Variants in IGSF21 observed in about 807,000 individuals in gnomAD.
IGSF21 encodes immunoglobulin superfamily member 21.
A neutral mutation model predicts 46.8 loss-of-function variants in IGSF21; 28 were observed. The observed-to-expected ratio is 0.60, with a 90% CI of 0.44 to 0.82. The LOEUF (loss-of-function observed/expected upper bound fraction) is 0.82. Among genes scored for constraint, IGSF21 ranks in the 40% least tolerant of loss-of-function variants. IGSF21 has a pLI of 0.00. For missense variants in IGSF21, 624 were observed against 665.5 expected (o/e 0.94, Z 0.69); for synonymous variants, 284 against 273.6 (o/e 1.04, Z -0.38).
intron 1 of IGSF21, among the ~76,000 whole-genome samples, chr1:18,178,467 G>C (rs1557574056): frequency 6.6e-6 from 1 of 152,168 alleles, no homozygotes; most frequent in Non-Finnish European, 1.5e-5. Flanking sequence ...CTCAGTTTCT[G>C]CATCTGTGAA....
At chr1:18,260,785 A>AG (rs897353549) in intron 2 of IGSF21, among the ~76,000 whole-genome samples, 2 of 152,134 alleles carry the variant, frequency 1.3e-5, no homozygotes, top group Non-Finnish European at 2.9e-5. Context: ...GCTATTCCTC[A>AG]GTTTGGTCCA....
intron 2 of IGSF21, among the ~76,000 whole-genome samples, chr1:18,254,711 C>G (rs1239968595): frequency 1.3e-5 from 2 of 152,212 alleles, no homozygotes; most frequent in African/African-American, 4.8e-5. Context: ...GTTGCCTGTG[C>G]CACTCCTGGA....
intron 1 of IGSF21, among the ~76,000 whole-genome samples, chr1:18,157,142 A>G (rs976851506): frequency 3.9e-5 from 6 of 152,164 alleles, no homozygotes; most frequent in African/African-American, 1.2e-4. Flanking sequence ...AAGAAAGAAA[A>G]AAAAAAGAGA....
intron 2 of IGSF21, among the ~76,000 whole-genome samples, chr1:18,230,277 T>C (rs2084611255): frequency 6.6e-6 from 1 of 152,124 alleles, no homozygotes; most frequent in African/African-American, 2.4e-5. Flanking sequence ...TTCTTCGCCA[T>C]CCTCCGGTAG....
Position 18,304,894 on chromosome 1 carries a change from T to C in IGSF21, c.305+12907T>C, listed in dbSNP as rs150998127. On this transcript the variant is annotated intron_variant, in intron 3 of 9. Coordinates refer to ENST00000251296, the MANE Select transcript of IGSF21 (RefSeq NM_032880.5). The stretch of plus-strand genomic sequence containing the variant: ...ACCCAATTTAGTAAACAGTTCAGAA[T>C]AAAGTATTTGTTGCCGTGGTATTTC... 8.6e-3 allele frequency among the ~76,000 whole-genome samples: 1,308 copies of C among 152,372 alleles called. 11 individuals carry two copies. The highest frequency in any genetic ancestry group is 0.014 in the Non-Finnish European group (961 of 68,028).
At chr1:18,138,763 G>A (rs1326803195) in intron 1 of IGSF21, among the ~76,000 whole-genome samples, 3 of 152,172 alleles carry the variant, frequency 2.0e-5, no homozygotes, top group Non-Finnish European at 4.4e-5. Flanking sequence ...CTTGGCATCT[G>A]CTCCCTCGCC....
intron 3 of IGSF21, among the ~76,000 whole-genome samples, chr1:18,328,095 T>C (rs2124600613): frequency 6.6e-6 from 1 of 152,276 alleles, no homozygotes; most frequent in South Asian, 2.1e-4. Flanking sequence ...TGGAGGCAGA[T>C]TCCAGAGAAA....
At chr1:18,197,912 C>G (rs530438980) in intron 1 of IGSF21, among the ~76,000 whole-genome samples, 1 of 152,166 alleles carries the variant, frequency 6.6e-6, no homozygotes, top group Non-Finnish European at 1.5e-5. Context: ...CCACTGGCTT[C>G]TATAAGAATC....
intron 1 of IGSF21, chr1:18,114,355 A>C (rs34692030): frequency 0.23 from 34,581 of 152,068 alleles, 4,235 homozygotes; most frequent in Non-Finnish European, 0.29. Flanking sequence ...CACAAAACAC[A>C]TAGCAGGTGC....
At chr1:18,162,825 T>C (rs12076097) in intron 1 of IGSF21, among the ~76,000 whole-genome samples, 12,234 of 152,176 alleles carry the variant, frequency 0.08, 587 homozygotes, top group African/African-American at 0.14. Flanking sequence ...TGAGACCGTA[T>C]TCACCCTCTA....
At chr1:18,269,384 T>G (rs1410094252) in intron 2 of IGSF21, among the ~76,000 whole-genome samples, 1 of 152,176 alleles carries the variant, frequency 6.6e-6, no homozygotes, top group African/African-American at 2.4e-5. Flanking sequence ...TTGGCATGGA[T>G]GCAAGTGTTT....
At chr1:18,115,702 C>G (rs1238219146) in intron 1 of IGSF21, 1 of 151,636 alleles carries the variant, frequency 6.6e-6, no homozygotes, top group Non-Finnish European at 1.5e-5. Context: ...CGTGTCCCCT[C>G]TATGTTCTCC....
intron 1 of IGSF21, among the ~76,000 whole-genome samples, chr1:18,128,304 G>C (rs1321213560): frequency 1.3e-5 from 2 of 152,184 alleles, no homozygotes; most frequent in Non-Finnish European, 2.9e-5. Context: ...CTCAGGAGCA[G>C]AGCAGCTTCT....
At chr1:18,212,636 G>A (rs2084403881) in intron 1 of IGSF21, among the ~76,000 whole-genome samples, 1 of 152,206 alleles carries the variant, frequency 6.6e-6, no homozygotes, top group South Asian at 2.1e-4. Context: ...GCCTCAGCCT[G>A]TGGTTTCCCT....
At chr1:18,249,581 C>T (rs1445829244) in intron 2 of IGSF21, among the ~76,000 whole-genome samples, 2 of 152,142 alleles carry the variant, frequency 1.3e-5, no homozygotes, top group Admixed American at 6.5e-5. Flanking sequence ...GTTAGATGGC[C>T]GCCCTGAATG....
chr1:18,183,183 T>C (rs1453192705), intron 1 of IGSF21, among the ~76,000 whole-genome samples: 1 of 152,226 alleles, frequency 6.6e-6, no homozygotes, highest in Non-Finnish European at 1.5e-5. Flanking sequence ...CGATCTTACC[T>C]TGCCCTGCAT....
At chr1:18,293,773 G>A (rs1456299227) in intron 3 of IGSF21, among the ~76,000 whole-genome samples, 2 of 152,056 alleles carry the variant, frequency 1.3e-5, no homozygotes, top group Non-Finnish European at 2.9e-5. Flanking sequence ...CACCCCTGCC[G>A]GTCACTGTGT....
chr1:18,199,900 CT>C (rs113326388), intron 1 of IGSF21, among the ~76,000 whole-genome samples: 24,539 of 151,350 alleles, frequency 0.16, 2,133 homozygotes, highest in Non-Finnish European at 0.2. Flanking sequence ...CGGCCCCCCC[CT>C]ACCCCCGTGA....
At chr1:18,243,522 A>G (rs2084753783) in intron 2 of IGSF21, among the ~76,000 whole-genome samples, 1 of 151,804 alleles carries the variant, frequency 6.6e-6, no homozygotes, top group Admixed American at 6.6e-5. Flanking sequence ...CTCTGCTTCC[A>G]CTCTTGTCCC....
Sources: allele counts gnomAD v4.1 joint callset (sites outside exome capture counted in the v4.1 genomes callset), GRCh38; gene constraint gnomAD v4.1.1; transcripts MANE v1.5; gene names NCBI Gene and HGNC (gene_info 2026-07-23, HGNC 2026-07-21).